The following DOCK10 variants were observed in gnomAD, a reference collection of about 807,000 sequenced individuals.
The protein encoded by DOCK10 is dedicator of cytokinesis protein 10.
DOCK10 carries 145 observed loss-of-function variants against 280.1 expected under a neutral mutation model. The ratio of observed to expected loss-of-function variants is 0.52; its 90% CI spans 0.45 to 0.59. The LOEUF (loss-of-function observed/expected upper bound fraction) is 0.59, where lower values mean the gene tolerates loss of function less well. DOCK10 is among the 20% of genes least tolerant of loss of function. The probability of loss-of-function intolerance (pLI) is 0.00; values close to 1 mark genes in which losing one functional copy is unlikely to be tolerated. For synonymous variants in DOCK10, 915 were observed against 942.2 expected, an observed-to-expected ratio of 0.97 and a Z score of 0.53; for missense variants, 2,368 against 2,651.7, an observed-to-expected ratio of 0.89 and a Z score of 2.35.
intron 48 of DOCK10, among the ~76,000 whole-genome samples, chr2:224,788,028 A>G (rs1691855673): frequency 6.6e-6 from 1 of 152,182 alleles, no homozygotes; most frequent in African/African-American, 2.4e-5. Flanking sequence ...ATCAAGACTC[A>G]GCACAAAAAA....
intron 1 of DOCK10, among the ~76,000 whole-genome samples, chr2:224,998,461 G>A (rs1706335635): frequency 1.3e-5 from 2 of 151,988 alleles, no homozygotes; most frequent in Admixed American, 6.6e-5. Flanking sequence ...TCAGATGCAA[G>A]GGAAGGTTTC....
chr2:224,864,856 A>G lies in DOCK10; in HGVS notation c.1479+10T>C. 6.2e-7 allele frequency: 1 copy of G among 1,613,912 alleles called. No homozygotes were observed. On this transcript the variant is annotated intron_variant, in intron 12 of 55. Coordinates refer to ENST00000258390, the MANE Select transcript of DOCK10 (RefSeq NM_014689.3). Reference sequence around the variant, plus strand: ...ATTTTCCATCTCATCACAAGTAAACAAAGTGCCACCTGCTTTGGAAATTTT... The same window carrying G: ...ATTTTCCATCTCATCACAAGTAAACGAAGTGCCACCTGCTTTGGAAATTTT...
At chr2:224,946,333 T>A (rs1292149945) in intron 1 of DOCK10, among the ~76,000 whole-genome samples, 1 of 152,248 alleles carries the variant, frequency 6.6e-6, no homozygotes, top group African/African-American at 2.4e-5. Flanking sequence ...TATCACTTTT[T>A]AAAGTCCTCC....
At chr2:224,964,849 C>T (rs914095003) in intron 1 of DOCK10, among the ~76,000 whole-genome samples, 3 of 152,156 alleles carry the variant, frequency 2.0e-5, no homozygotes, top group Admixed American at 2.0e-4. Flanking sequence ...GCTATAAGAA[C>T]ACATACTTCA....
rs1263932235 is a variant in DOCK10, at chr2:224,864,593, C to T, written c.1562G>A (p.Ser521Asn). Residue 521 changes from serine (S) to asparagine (N), a missense_variant, in exon 13 of 56, where the codon AGT (serine) becomes AAT (asparagine). Transcript: ENST00000258390. ...IEKVLMGNIA[S>N]GAEPYIKNPD... is the part of the protein sequence containing the mutation. Reference sequence around the variant, plus strand: ...GTTCTTAATATAAGGTTCGGCACCACTTGCAATGTTTCCCATCAAGACTTT... The same window carrying T: ...GTTCTTAATATAAGGTTCGGCACCATTTGCAATGTTTCCCATCAAGACTTT... 6 of 1,613,080 alleles carry T rather than the reference C, an allele frequency of 3.7e-6. No individual in the cohort carries two copies. Among genetic ancestry groups the T allele is most frequent in the Non-Finnish European group, 4.2e-6 (5 of 1,179,698 alleles).
At chr2:224,979,688 G>C (rs1705644554) in intron 1 of DOCK10, among the ~76,000 whole-genome samples, 1 of 152,130 alleles carries the variant, frequency 6.6e-6, no homozygotes, top group South Asian at 2.1e-4. Context: ...GACTCCTTAG[G>C]GTCTTTCCTC....
At chr2:224,797,174 G>T in intron 42 of DOCK10, 28 bp from the exon 43 acceptor site, 1 of 1,544,450 alleles carries the variant, frequency 6.5e-7, no homozygotes, top group South Asian at 1.2e-5. Flanking sequence ...CGGGTGAAGG[G>T]AGCAACATGC....
intron 5 of DOCK10, 79 bp downstream of exon 5, chr2:224,886,380 A>G (rs1427792165): frequency 6.6e-7 from 1 of 1,505,342 alleles, no homozygotes; most frequent in East Asian, 2.3e-5. Context: ...CAAACCGGTC[A>G]GAACTCGAAA....
Position 224,778,142 on chromosome 2 carries a change from TTGGAATCCTGGATTATCTTCACATTGTC to T in DOCK10, c.5770_5797del (p.Asp1924ThrfsTer3). 6.2e-7 allele frequency: 1 copy of T among 1,613,204 alleles called. No homozygotes were observed. ...TGAATACTGATTTTCCTCTACCTTG[TTGGAATCCTGGATTATCTTCACATTGTC>T]TGCTCCAAATTTATCTGCATAGAGC... is the stretch of plus-strand genomic sequence containing the variant. On this transcript the variant is annotated frameshift_variant, in exon 51 of 56. Coordinates refer to ENST00000258390, the MANE Select transcript of DOCK10 (RefSeq NM_014689.3). LOFTEE classifies it high-confidence loss of function.
At chr2:224,913,902 G>T (rs10196235) in intron 3 of DOCK10, among the ~76,000 whole-genome samples, 85,635 of 150,390 alleles carry the variant, frequency 0.57, 25,039 homozygotes, top group Non-Finnish European at 0.64. Flanking sequence ...TAATTTTTTG[G>T]TTTTTTTTTG....
At chr2:224,787,954 C>T (rs553527804) in intron 48 of DOCK10, among the ~76,000 whole-genome samples, 1 of 152,236 alleles carries the variant, frequency 6.6e-6, no homozygotes, top group South Asian at 2.1e-4. Flanking sequence ...ACCCTCTGAC[C>T]TCCATACTTT....
intron 1 of DOCK10, among the ~76,000 whole-genome samples, chr2:224,942,087 C>A (rs918134179): frequency 6.6e-6 from 1 of 152,218 alleles, no homozygotes; most frequent in African/African-American, 2.4e-5. Flanking sequence ...AATGGTCCAG[C>A]CCATGCTCAG....
intron 1 of DOCK10, among the ~76,000 whole-genome samples, chr2:224,965,904 A>G (rs145909021): frequency 5.1e-4 from 77 of 152,328 alleles, no homozygotes; most frequent in Admixed American, 1.8e-3. Context: ...GGGGGAATAA[A>G]TTTCAATTCA....
At chr2:225,033,733 G>T (rs1690145649) in intron 1 of DOCK10, among the ~76,000 whole-genome samples, 1 of 152,162 alleles carries the variant, frequency 6.6e-6, no homozygotes, top group Admixed American at 6.5e-5. Context: ...CAATGGCGGG[G>T]AGAAAAATAA....
At chr2:225,024,028 T>C (rs1689853527) in intron 1 of DOCK10, among the ~76,000 whole-genome samples, 1 of 152,224 alleles carries the variant, frequency 6.6e-6, no homozygotes, top group Non-Finnish European at 1.5e-5. Flanking sequence ...ACCCTATTTC[T>C]TCTGTGACAT....
intron 11 of DOCK10, among the ~76,000 whole-genome samples, chr2:224,869,345 A>G (rs1373570427): frequency 2.0e-5 from 3 of 152,210 alleles, no homozygotes; most frequent in Non-Finnish European, 4.4e-5. Context: ...TATTTCAGGG[A>G]GTCTTCAGAA....
rs1037717786 is a variant in DOCK10, at chr2:224,806,151, AG to A, written c.3788del (p.Ser1263LeufsTer5). 6.2e-7 allele frequency: 1 copy of A among 1,605,878 alleles called. No homozygotes were observed. The highest frequency in any genetic ancestry group is 8.5e-7 in the Non-Finnish European group (1 of 1,174,716). ...CTGCTATGGAATTTAAAACATCTTT[AG>A]AAAATGATGTATCCACAGAGTTTGC... ...KHANSVDTSF[S>X]KDVLNSIAAF... On this transcript the variant is annotated frameshift_variant, in exon 34 of 56. Coordinates refer to ENST00000258390, the MANE Select transcript of DOCK10 (RefSeq NM_014689.3). LOFTEE classifies it high-confidence loss of function.
rs181858014 is a variant in DOCK10 at position 224,881,263 on chromosome 2, T to G, written c.747+4408A>C. 9.2e-5 allele frequency among the ~76,000 whole-genome samples: 14 copies of G among 152,344 alleles called. No homozygotes were observed. In the East Asian group the frequency reaches 2.1e-3, roughly 23 times the overall value. On this transcript the variant is annotated intron_variant, in intron 7 of 55. Coordinates refer to ENST00000258390, the MANE Select transcript of DOCK10 (RefSeq NM_014689.3). ...GCATGTACCATATTTGTTTTGTTTT[T>G]TTTTCTGTGCATCCTTCCCACATCC...
At chr2:224,806,046 A>G in intron 34 of DOCK10, 80 bp downstream of exon 34, 1 of 778,164 alleles carries the variant, frequency 1.3e-6, no homozygotes, top group Non-Finnish European at 2.1e-6. Flanking sequence ...TAAATTACGG[A>G]CTGAGTAAAA....
Sources: gnomAD v4.1 joint callset for allele counts (sites outside exome capture counted in the v4.1 genomes callset) on GRCh38, gnomAD v4.1.1 for gene constraint, MANE v1.5 for transcripts, NCBI Gene and HGNC (gene_info 2026-07-23, HGNC 2026-07-21) for gene names.